The following CENPF variants were observed in gnomAD, a reference collection of about 807,000 sequenced individuals.
CENPF encodes centromere protein F.
A neutral mutation model predicts 307.3 loss-of-function variants in CENPF; 214 were observed. The observed-to-expected ratio is 0.70, with a 90% CI of 0.62 to 0.78. The LOEUF (loss-of-function observed/expected upper bound fraction) is 0.78. CENPF is among the 30% of genes least tolerant of loss of function. The pLI is 0.00. For synonymous variants in CENPF, 1,259 were observed against 1,270.6 expected, an observed-to-expected ratio of 0.99 and a Z score of 0.19; for missense variants, 3,401 against 3,483.9, an observed-to-expected ratio of 0.98 and a Z score of 0.60.
chr1:214,657,126 T>C lies in CENPF; in HGVS notation c.8679T>C (p.Ser2893=). 5.6e-6 allele frequency: 9 copies of C among 1,614,198 alleles called. No individual in the cohort carries two copies. Among genetic ancestry groups the C allele is most frequent in the Non-Finnish European group, 7.6e-6 (9 of 1,180,010 alleles). Residue 2893 remains serine (S), a synonymous_variant, in exon 18 of 20, where the codon TCT becomes TCC. Coordinates refer to ENST00000366955, the MANE Select transcript of CENPF (RefSeq NM_016343.4). ...TGGCCCATCTGTGTTCACAGCAATC[T>C]AAACAAGATTCCCGAGGGTCTCCTT... The part of the protein sequence containing the change: ...TQVAHLCSQQ[S]KQDSRGSPLL...
chr1:214,658,774 C>T, intron 18 of CENPF, 76 bp from the exon 19 acceptor site: 1 of 1,440,248 alleles, frequency 6.9e-7, no homozygotes. Context: ...CTTGTTAAAA[C>T]CACCTAATGA....
chr1:214,622,405 C>T (rs1258749885), intron 7 of CENPF, 124 bp downstream of exon 7: 3 of 824,278 alleles, frequency 3.6e-6, no homozygotes, highest in South Asian at 3.9e-5. Flanking sequence ...ATATTAGGTA[C>T]TCTTGATGCA....
At position 214,641,128 on chromosome 1, in the gene CENPF, A is replaced by T. The variant is rs777104246; in HGVS notation, c.2790A>T (p.Leu930Phe). ...VETEQAEIQELKKSNHLLEDS... is the reference protein window; with the variant it reads ...VETEQAEIQEFKKSNHLLEDS... ...CTGAGCAGGCAGAGATTCAAGAATTAAAAAAGAGCAACCATCTACTTGAAG... is the reference window on the plus strand; with the variant it reads ...CTGAGCAGGCAGAGATTCAAGAATTTAAAAAGAGCAACCATCTACTTGAAG... Residue 930 changes from leucine (L) to phenylalanine (F), a missense_variant, in exon 12 of 20, where the codon TTA becomes TTT. By Grantham distance (22) the Leu-to-Phe change is conservative. Transcript: ENST00000366955. 2 of 1,581,168 alleles carry T rather than the reference A, an allele frequency of 1.3e-6. No individual in the cohort carries two copies. Among genetic ancestry groups the T allele is most frequent in the Admixed American group, 2.0e-5 (1 of 49,130 alleles).
chr1:214,609,513 A>G (rs1657143876), intron 1 of CENPF, among the ~76,000 whole-genome samples: 1 of 152,068 alleles, frequency 6.6e-6, no homozygotes. Flanking sequence ...CATATGCAGA[A>G]TATCTTGTCA....
intron 13 of CENPF, 67 bp downstream of exon 13, chr1:214,647,467 G>A: frequency 6.8e-7 from 1 of 1,476,120 alleles, no homozygotes; most frequent in South Asian, 1.4e-5. Flanking sequence ...TTTTCTTCTA[G>A]ACACTGTGAA....
chr1:214,624,934 G>A (rs1044156515), intron 7 of CENPF, among the ~76,000 whole-genome samples: 1 of 151,614 alleles, frequency 6.6e-6, no homozygotes, highest in Non-Finnish European at 1.5e-5. Context: ...ATTTCTTCCA[G>A]TTTTTGCTTC....
intron 4 of CENPF, 50 bp downstream of exon 4, chr1:214,618,744 T>A (rs764915852): frequency 6.5e-7 from 1 of 1,539,546 alleles, no homozygotes; most frequent in African/African-American, 1.4e-5. Context: ...TAGCTTGAGA[T>A]TTTAATTCTG....
At chr1:214,651,594 T>G in intron 14 of CENPF, 116 bp from the exon 15 acceptor site, 1 of 711,318 alleles carries the variant, frequency 1.4e-6, no homozygotes, top group African/African-American at 1.8e-5. Flanking sequence ...TCTGTACAGA[T>G]TTTATCTTGC....
In CENPF at chr1:214,623,285, A is replaced by G. The variant is rs143914577; in HGVS notation, c.1068+1004A>G. On this transcript the variant is annotated intron_variant, in intron 7 of 19. Transcript: ENST00000366955. Reference sequence around the variant, plus strand: ...TCATTATTTCCTAAACAAATACATTATTACAAATATTTTACATAGCATATA... The same window carrying G: ...TCATTATTTCCTAAACAAATACATTGTTACAAATATTTTACATAGCATATA... Among the ~76,000 whole-genome samples, 648 of 152,316 alleles carry G rather than the reference A, an allele frequency of 4.3e-3. 8 individuals are homozygous for G. Among genetic ancestry groups the G allele is most frequent in the Admixed American group, 0.013 (200 of 15,302 alleles).
At chr1:214,621,688 A>T (rs1195087948) in intron 6 of CENPF, among the ~76,000 whole-genome samples, 2 of 152,218 alleles carry the variant, frequency 1.3e-5, no homozygotes, top group Admixed American at 1.3e-4. Context: ...ACTGCTTAGC[A>T]CTGATTTGCA....
rs368611046 is a variant in CENPF at position 214,619,112 on chromosome 1, T to TTA, written c.482-17_482-16insTA. 1.1e-5 allele frequency: 13 copies of TTA among 1,233,864 alleles called. No homozygotes were observed. Among genetic ancestry groups the TTA allele is most frequent in the African/African-American group, 4.5e-5 (3 of 66,164 alleles). The allele number at this position is 1,233,864 out of a possible 1,614,324, so 76.4% of individuals were successfully genotyped here. ...TCAATGACTGAAAGAAAACTGTATTTGATTGTCTGTTTCTAGGTTCCAAGT... is the reference window on the plus strand; with the variant it reads ...TCAATGACTGAAAGAAAACTGTATTTTAGATTGTCTGTTTCTAGGTTCCAAGT... On this transcript the variant is annotated splice_polypyrimidine_tract_variant and intron_variant, in intron 4 of 19. Transcript: ENST00000366955.
intron 15 of CENPF, 35 bp from the exon 16 acceptor site, chr1:214,652,793 T>C: frequency 6.5e-7 from 1 of 1,529,058 alleles, no homozygotes; most frequent in African/African-American, 1.4e-5. Context: ...CTGGCTAAAG[T>C]AACATTTTGG....
chr1:214,639,530 T>G (rs1658049292), intron 11 of CENPF, among the ~76,000 whole-genome samples: 1 of 152,228 alleles, frequency 6.6e-6, no homozygotes, highest in South Asian at 2.1e-4. Flanking sequence ...CCCATTTCAG[T>G]GCTGTTCTTG....
At chr1:214,609,503 C>A (rs1029867668) in intron 1 of CENPF, among the ~76,000 whole-genome samples, 1 of 152,030 alleles carries the variant, frequency 6.6e-6, no homozygotes, top group Non-Finnish European at 1.5e-5. Context: ...GAAAGAGGAG[C>A]ATATGCAGAA....
Position 214,642,013 on chromosome 1 carries a change from G to T in CENPF, c.3675G>T (p.Gln1225His). 6.2e-7 allele frequency: 1 copy of T among 1,611,264 alleles called. No individual in the cohort carries two copies. The highest frequency in any genetic ancestry group is 8.5e-7 in the Non-Finnish European group (1 of 1,179,380). The change falls in exon 12 of 20, where the codon CAG becomes CAT. Residue 1225 changes from glutamine (Q) to histidine (H), a missense_variant. Transcript: ENST00000366955. ...TAAGAAATAAGGAATTAAAACTTCA[G>T]GAAAGTGAGAAGGAGAAGGAGTGCC... ...AMLRNKELKLQESEKEKECLQ... is the reference protein window; with the variant it reads ...AMLRNKELKLHESEKEKECLQ...
At chr1:214,611,752 G>C (rs1380450659) in intron 1 of CENPF, among the ~76,000 whole-genome samples, 1 of 152,226 alleles carries the variant, frequency 6.6e-6, no homozygotes, top group Admixed American at 6.5e-5. Flanking sequence ...TCGTGAATGA[G>C]ATTGCATTTT....
At chr1:214,625,902 G>A (rs1017728234) in intron 7 of CENPF, among the ~76,000 whole-genome samples, 1 of 151,772 alleles carries the variant, frequency 6.6e-6, no homozygotes, top group African/African-American at 2.4e-5. Flanking sequence ...AATGTTTTCT[G>A]TACATACATT....
intron 17 of CENPF, 42 bp downstream of exon 17, chr1:214,655,445 T>G: frequency 6.6e-7 from 1 of 1,513,154 alleles, no homozygotes; most frequent in Non-Finnish European, 8.8e-7. Context: ...AGAACTCTTT[T>G]CCAGTAGTGA....
In CENPF at chr1:214,651,605, C is replaced by A. The variant is rs904647673; in HGVS notation, c.7984-105C>A. ...CTATTCTGTACAGATTTTATCTTGC[C>A]CATAAATATTTTTTTTCTACACAGT... On this transcript the variant is annotated intron_variant, in intron 14 of 19. Coordinates refer to ENST00000366955, the MANE Select transcript of CENPF (RefSeq NM_016343.4). The A allele has an allele frequency of 2.5e-5, 19 of 764,536 alleles. 1 individual carries two copies. In the African/African-American group the frequency reaches 3.4e-4, roughly 14 times the overall value. 47.4% of individuals were successfully genotyped at this position (764,536 alleles called of 1,614,324 possible).
Sources: gnomAD v4.1 joint callset for allele counts (sites outside exome capture counted in the v4.1 genomes callset) on GRCh38, gnomAD v4.1.1 for gene constraint, MANE v1.5 for transcripts, NCBI Gene and HGNC (gene_info 2026-07-23, HGNC 2026-07-21) for gene names.